Variants in ALKBH5 observed in about 807,000 individuals in gnomAD.
ALKBH5 encodes alkB homolog 5, RNA demethylase.
A neutral mutation model predicts 32.1 loss-of-function variants in ALKBH5; 2 were observed. That is an observed-to-expected ratio of 0.06 (90% CI 0.03 to 0.20). The LOEUF (loss-of-function observed/expected upper bound fraction) is 0.20. Ranked by LOEUF, ALKBH5 falls within the 10% of genes least tolerant of loss-of-function variation. The pLI, the probability that ALKBH5 is intolerant of heterozygous loss-of-function variation, is 1.00. For missense variants in ALKBH5, 352 were observed against 559.5 expected (o/e 0.63, Z 3.74); for synonymous variants, 300 against 231.7 (o/e 1.29, Z -2.68).
chr17:18,208,503 T>A lies in ALKBH5; in HGVS notation c.*107T>A. ...TCATTGGGGGGTTTTTGTTTTTTGT[T>A]TTTTGTTTTTTTTGATTCTATATAT... is the stretch of plus-strand genomic sequence containing the variant. On this transcript the variant is annotated 3_prime_UTR_variant, in exon 4 of 4. Transcript: ENST00000399138. The A allele has an allele frequency of 7.9e-7, 1 of 1,264,012 alleles. No individual in the cohort carries two copies. Among genetic ancestry groups the A allele is most frequent in the Non-Finnish European group, 1.1e-6 (1 of 898,290 alleles). 78.3% of individuals were successfully genotyped at this position (1,264,012 alleles called of 1,614,324 possible).
At chr17:18,204,580 G>A (rs569279550) in intron 2 of ALKBH5, among the ~76,000 whole-genome samples, 97 of 152,206 alleles carry the variant, frequency 6.4e-4, no homozygotes, top group Middle Eastern at 3.4e-3. Flanking sequence ...TGGCTAACAT[G>A]GTGAAATGCT....
intron 1 of ALKBH5, among the ~76,000 whole-genome samples, chr17:18,194,558 C>T (rs1194170616): frequency 1.3e-5 from 2 of 152,170 alleles, no homozygotes; most frequent in Non-Finnish European, 2.9e-5. Flanking sequence ...AGTCCTAGCT[C>T]TCCCTGGTGA....
rs12603166 is a variant in ALKBH5, at chr17:18,205,153, C to G, written c.852-1662C>G. On this transcript the variant is annotated intron_variant, in intron 2 of 3. Coordinates refer to ENST00000399138, the MANE Select transcript of ALKBH5 (RefSeq NM_017758.4). Reference sequence around the variant, plus strand: ...AGAATCCCAGCCTTGAAGGAGGCAACTTGCCTTCGATTCCTTAGACCCTCA... The same window carrying G: ...AGAATCCCAGCCTTGAAGGAGGCAAGTTGCCTTCGATTCCTTAGACCCTCA... Among the ~76,000 whole-genome samples, 1,140 of 152,338 alleles carry G rather than the reference C, an allele frequency of 7.5e-3. 6 individuals carry two copies. Among genetic ancestry groups the G allele is most frequent in the African/African-American group, 9.6e-3 (398 of 41,570 alleles).
At chr17:18,200,374 T>G (rs1201896784) in intron 2 of ALKBH5, among the ~76,000 whole-genome samples, 1 of 152,104 alleles carries the variant, frequency 6.6e-6, no homozygotes, top group African/African-American at 2.4e-5. Context: ...TCCCTTGGTT[T>G]TTAGGAGGCC....
intron 2 of ALKBH5, among the ~76,000 whole-genome samples, chr17:18,197,948 T>C (rs571279232): frequency 6.6e-6 from 1 of 152,276 alleles, no homozygotes; most frequent in African/African-American, 2.4e-5. Context: ...AACTCTAAAG[T>C]ATCTGCAGCT....
chr17:18,186,306 G>C (rs2047139096), intron 1 of ALKBH5, among the ~76,000 whole-genome samples: 1 of 152,140 alleles, frequency 6.6e-6, no homozygotes, highest in Admixed American at 6.5e-5. Context: ...TCTTCATGGC[G>C]CTCCTAGATG....
intron 2 of ALKBH5, among the ~76,000 whole-genome samples, chr17:18,203,929 GT>G (rs2047255693): frequency 6.6e-6 from 1 of 152,194 alleles, no homozygotes; most frequent in African/African-American, 2.4e-5. Flanking sequence ...CAACTCCAGA[GT>G]GCCCCCACTA....
At chr17:18,185,695 CTGTT>C (rs754500376) in intron 1 of ALKBH5, among the ~76,000 whole-genome samples, 19 of 152,342 alleles carry the variant, frequency 1.2e-4, no homozygotes, top group Non-Finnish European at 2.4e-4. Flanking sequence ...GGTCTCTTGA[CTGTT>C]TGGCCTTACA....
chr17:18,195,001 A>G lies in ALKBH5; in HGVS notation c.817A>G (p.Ile273Val). ...EITHCIRPQD[I>V]KERRAVIILR... The stretch of plus-strand genomic sequence containing the variant: ...CACTCACTGCATACGGCCTCAGGAC[A>G]TCAAGGAGCGCCGAGCAGTCATCAT... Residue 273 changes from isoleucine to valine, a missense_variant, in exon 2 of 4, where the codon ATC becomes GTC. Around this residue, in one of 4 missense-constraint regions of ALKBH5, gnomAD observed 56 missense variants for 238.1 expected, o/e 0.24. Coordinates refer to ENST00000399138, the MANE Select transcript of ALKBH5 (RefSeq NM_017758.4). 9 of 1,613,844 alleles carry G rather than the reference A, an allele frequency of 5.6e-6. No homozygotes were observed. The highest frequency in any genetic ancestry group is 7.6e-6 in the Non-Finnish European group (9 of 1,179,976).
rs767011110 is a variant in ALKBH5 at position 18,184,439 on chromosome 17, C to T, written c.196C>T (p.Pro66Ser). 3 of 1,604,138 alleles carry T rather than the reference C, an allele frequency of 1.9e-6. No individual in the cohort carries two copies. The highest frequency in any genetic ancestry group is 1.7e-6 in the Non-Finnish European group (2 of 1,175,844). Reference sequence around the variant, plus strand: ...GCGCAAGTATCAGGAGGACTCGGACCCCGAGCGCAGCGACTATGAGGAGCA... The same window carrying T: ...GCGCAAGTATCAGGAGGACTCGGACTCCGAGCGCAGCGACTATGAGGAGCA... Reference protein sequence around the residue: ...AKRKYQEDSDPERSDYEEQQL... With the variant: ...AKRKYQEDSDSERSDYEEQQL... Residue 66 changes from proline to serine, a missense_variant, in exon 1 of 4, where the codon CCC becomes TCC. Pro to Ser is a moderately conservative substitution (Grantham distance 74). Around this residue, in one of 4 missense-constraint regions of ALKBH5, gnomAD observed 144 missense variants for 125.8 expected, o/e 1.14. Transcript: ENST00000399138.
At chr17:18,189,213 T>C (rs1213950252) in intron 1 of ALKBH5, among the ~76,000 whole-genome samples, 1 of 151,862 alleles carries the variant, frequency 6.6e-6, no homozygotes, top group Non-Finnish European at 1.5e-5. Context: ...CTGTCTCTAC[T>C]AAAAATACAA....
At position 18,184,357 on chromosome 17, in the gene ALKBH5, A is replaced by AGCCGCC. The variant is rs747813849; in HGVS notation, c.117_122dup (p.Ala47_Ala48dup). The stretch of plus-strand genomic sequence containing the variant: ...CCGCCGCCGCTGCCGCAGCCGCCGT[A>AGCCGCC]GCCGCCGCAGCCGCAGCCGCCGCTG... On this transcript the variant is annotated inframe_insertion, in exon 1 of 4. Coordinates refer to ENST00000399138, the MANE Select transcript of ALKBH5 (RefSeq NM_017758.4). 2 of 1,514,786 alleles carry AGCCGCC rather than the reference A, an allele frequency of 1.3e-6. No individual in the cohort carries two copies. The highest frequency in any genetic ancestry group is 2.9e-5 in the African/African-American group (2 of 69,778). 93.8% of individuals were successfully genotyped at this position (1,514,786 alleles called of 1,614,324 possible).
rs768888551 is a variant in ALKBH5, at chr17:18,194,506, C to T, written c.771-449C>T. 5.9e-5 allele frequency among the ~76,000 whole-genome samples: 9 copies of T among 152,266 alleles called. No homozygotes were observed. The South Asian group carries it at 8.3e-4, about 14-fold the overall frequency. On this transcript the variant is annotated intron_variant, in intron 1 of 3. Transcript: ENST00000399138. ...CTGTCTTCAAAATTTTGGATCCCCCCAAATGGAGACTTCATGTAGATATTC... is the reference window on the plus strand; with the variant it reads ...CTGTCTTCAAAATTTTGGATCCCCCTAAATGGAGACTTCATGTAGATATTC...
intron 2 of ALKBH5, among the ~76,000 whole-genome samples, chr17:18,201,052 A>G (rs1158726735): frequency 6.6e-6 from 1 of 152,192 alleles, no homozygotes; most frequent in Non-Finnish European, 1.5e-5. Flanking sequence ...AGAGCAGAGC[A>G]ATCTGAATGT....
At chr17:18,206,686 G>A in intron 2 of ALKBH5, 129 bp from the exon 3 acceptor site, 1 of 984,822 alleles carries the variant, frequency 1.0e-6, no homozygotes, top group Non-Finnish European at 1.5e-6. Context: ...GGAGAGTGAG[G>A]TACAGAGCAG....
In ALKBH5 at chr17:18,184,384, C is replaced by T. The variant is rs747095824; in HGVS notation, c.141C>T (p.Ala47=). The change falls in exon 1 of 4, where the codon GCC becomes GCT. Residue 47 remains alanine, a synonymous_variant. Transcript: ENST00000399138. Reference sequence around the variant, plus strand: ...CCGCCGCAGCCGCAGCCGCCGCTGCCGCCGAACCTTACCCTGTGTCCGGGG... The same window carrying T: ...CCGCCGCAGCCGCAGCCGCCGCTGCTGCCGAACCTTACCCTGTGTCCGGGG... ...AVAAAAAAAA[A]AEPYPVSGAK... is the part of the protein sequence containing the mutation. 8 of 1,530,552 alleles carry T rather than the reference C, an allele frequency of 5.2e-6. No individual in the cohort carries two copies. Among genetic ancestry groups the T allele is most frequent in the Admixed American group, 4.4e-5 (2 of 45,886 alleles). 94.8% of individuals were successfully genotyped at this position (1,530,552 alleles called of 1,614,324 possible).
At chr17:18,198,427 G>A (rs574411914) in intron 2 of ALKBH5, among the ~76,000 whole-genome samples, 2 of 152,304 alleles carry the variant, frequency 1.3e-5, no homozygotes, top group African/African-American at 4.8e-5. Context: ...GGGAAAGGAC[G>A]GGTTGTGACA....
At chr17:18,194,477 A>G (rs1433418868) in intron 1 of ALKBH5, among the ~76,000 whole-genome samples, 2 of 152,072 alleles carry the variant, frequency 1.3e-5, no homozygotes, top group African/African-American at 4.8e-5. Flanking sequence ...ATATTCAAAC[A>G]CAACTGTCTT....
Position 18,184,807 on chromosome 17 carries a change from C to T in ALKBH5, c.564C>T (p.Asn188=). 1.9e-6 allele frequency: 3 copies of T among 1,614,152 alleles called. No individual in the cohort carries two copies. Among genetic ancestry groups the T allele is most frequent in the Non-Finnish European group, 2.5e-6 (3 of 1,180,018 alleles). Residue 188 remains asparagine (N), a synonymous_variant, in exon 1 of 4, where the codon AAC becomes AAT. Coordinates refer to ENST00000399138, the MANE Select transcript of ALKBH5 (RefSeq NM_017758.4). ...EHRVIPEGFV[N]SAVINDYQPG... is the part of the protein sequence containing the mutation. ...GCGTCATCCCCGAGGGCTTCGTCAA[C>T]AGCGCCGTCATCAACGACTACCAGC...
Sources: allele counts gnomAD v4.1 joint callset (sites outside exome capture counted in the v4.1 genomes callset), GRCh38; gene constraint gnomAD v4.1.1; regional missense constraint gnomAD v4.1.1; transcripts MANE v1.5; gene names NCBI Gene and HGNC (gene_info 2026-07-23, HGNC 2026-07-21).